AFF4: variants seen among roughly 807,000 people sequenced by gnomAD.
AFF4 encodes AF4/FMR2 family member 4.
A neutral mutation model predicts 124.8 loss-of-function variants in AFF4; 13 were observed. The observed-to-expected ratio is 0.10, with a 90% confidence interval of 0.07 to 0.17. AFF4 has a LOEUF of 0.17. Among genes scored for constraint, AFF4 ranks in the 10% least tolerant of loss-of-function variants. The pLI, the probability that AFF4 is intolerant of heterozygous loss-of-function variation, is 1.00. For synonymous variants in AFF4, 477 were observed against 496.1 expected (o/e 0.96, Z 0.51); for missense variants, 1,092 against 1,403.8 (o/e 0.78, Z 3.55).
chr5:132,926,889 T>C (rs2150093040), intron 5 of AFF4: 1 of 423,134 alleles, frequency 2.4e-6, no homozygotes, highest in South Asian at 2.5e-5. Flanking sequence ...CTCTCTCGCA[T>C]ATTGCCTTCA....
In AFF4 at chr5:132,935,901, C is replaced by T. The variant is rs187912439; in HGVS notation, c.124-960G>A. On this transcript the variant is annotated intron_variant, in intron 2 of 20. Coordinates refer to ENST00000265343, the MANE Select transcript of AFF4 (RefSeq NM_014423.4). ...TCATGACATGGCACTCCAGCCTAGACGAAAGAACAAGATTCCTTCTCATAA... is the reference window on the plus strand; with the variant it reads ...TCATGACATGGCACTCCAGCCTAGATGAAAGAACAAGATTCCTTCTCATAA... 5.4e-3 allele frequency among the ~76,000 whole-genome samples: 810 copies of T among 149,446 alleles called. 4 individuals are homozygous for T. Among genetic ancestry groups the T allele is most frequent in the Middle Eastern group, 0.028 (8 of 290 alleles).
At chr5:132,912,163 A>T (rs1174332245) in intron 5 of AFF4, among the ~76,000 whole-genome samples, 1 of 142,180 alleles carries the variant, frequency 7.0e-6, no homozygotes. Flanking sequence ...GATTGTCTCT[A>T]CTAAAAATAC....
chr5:132,876,685 T>C lies in AFF4; in HGVS notation c.*4374A>G, dbSNP rs894114208. 3.5e-5 allele frequency: 7 copies of C among 197,648 alleles called. No individual in the cohort carries two copies. The highest frequency in any genetic ancestry group is 1.9e-4 in the South Asian group (1 of 5,208). The allele number at this position is 197,648 out of a possible 1,614,324, so 12.2% of individuals were successfully genotyped here. ...CCAAATTACATGAAAAGAAGATACATAGTTATTATTTCCATTCCCTTTTCT... is the reference window on the plus strand; with the variant it reads ...CCAAATTACATGAAAAGAAGATACACAGTTATTATTTCCATTCCCTTTTCT... On this transcript the variant is annotated 3_prime_UTR_variant, in exon 21 of 21. Transcript: ENST00000265343.
At chr5:132,890,381 A>G (rs960787424) in intron 13 of AFF4, among the ~76,000 whole-genome samples, 1 of 151,930 alleles carries the variant, frequency 6.6e-6, no homozygotes, top group Non-Finnish European at 1.5e-5. Context: ...GCGATCCTCC[A>G]GCCAGCCTCC....
At chr5:132,898,952 C>T (rs556334914) in intron 9 of AFF4, 152 bp downstream of exon 9, 8 of 693,196 alleles carry the variant, frequency 1.2e-5, no homozygotes, top group Non-Finnish European at 1.9e-5. Flanking sequence ...AAAACACCCA[C>T]TTTAAGTGTA....
In AFF4 at chr5:132,963,275, G is replaced by C. The variant is rs1042173878; in HGVS notation, c.-21C>G. ...CCTTCTTACCTCCAGTCCCGGCTCC[G>C]CTAGGCCCGAACCATCTCCTGGCTG... On this transcript the variant is annotated 5_prime_UTR_variant, in exon 1 of 21. Transcript: ENST00000265343. The C allele has an allele frequency of 2.5e-6, 1 of 394,342 alleles. No individual in the cohort carries two copies. The highest frequency in any genetic ancestry group is 1.4e-4 in the South Asian group (1 of 7,196). The allele number at this position is 394,342 out of a possible 1,614,324, so 24.4% of individuals were successfully genotyped here. A position where few individuals can be genotyped will look rare whatever the true frequency, so the allele number is the denominator to read the frequency against.
chr5:132,961,158 G>C (rs559478528), intron 1 of AFF4, among the ~76,000 whole-genome samples: 20 of 152,256 alleles, frequency 1.3e-4, no homozygotes, highest in African/African-American at 4.3e-4. Flanking sequence ...CCAGGAGGCA[G>C]AGGTTGCAGT....
chr5:132,946,750 G>C (rs1761705857), intron 1 of AFF4, among the ~76,000 whole-genome samples: 1 of 152,140 alleles, frequency 6.6e-6, no homozygotes, highest in Admixed American at 6.5e-5. Flanking sequence ...TAATGCCACT[G>C]AATTGTATAT....
intron 4 of AFF4, among the ~76,000 whole-genome samples, chr5:132,929,008 G>C (rs1761242794): frequency 6.6e-6 from 1 of 152,096 alleles, no homozygotes; most frequent in South Asian, 2.1e-4. Context: ...ATTCCCAGTG[G>C]TTGACACAAA....
At chr5:132,951,545 TC>T (rs1322200594) in intron 1 of AFF4, among the ~76,000 whole-genome samples, 2 of 152,224 alleles carry the variant, frequency 1.3e-5, no homozygotes, top group Non-Finnish European at 2.9e-5. Flanking sequence ...TTCTTTTTTT[TC>T]AGACAGAGTC....
chr5:132,929,765 T>C (rs1456343199), intron 4 of AFF4, among the ~76,000 whole-genome samples: 1 of 152,128 alleles, frequency 6.6e-6, no homozygotes, highest in African/African-American at 2.4e-5. Flanking sequence ...CTTTCTATAA[T>C]CTTAGAGAGC....
At chr5:132,913,083 G>GCA (rs1760831407) in intron 5 of AFF4, among the ~76,000 whole-genome samples, 1 of 152,040 alleles carries the variant, frequency 6.6e-6, no homozygotes, top group Non-Finnish European at 1.5e-5. Context: ...CAGGTTAAAA[G>GCA]CAAAAGGTTG....
chr5:132,927,365 C>T, intron 4 of AFF4, 158 bp from the exon 5 acceptor site: 1 of 601,474 alleles, frequency 1.7e-6, no homozygotes, highest in Non-Finnish European at 2.9e-6. Context: ...GTGTGCTAGG[C>T]ACTATGGTGT....
chr5:132,911,289 C>G (rs1267019797), intron 5 of AFF4, among the ~76,000 whole-genome samples: 1 of 152,098 alleles, frequency 6.6e-6, no homozygotes, highest in East Asian at 1.9e-4. Context: ...GTCTTTTACC[C>G]TCATCTTTCT....
chr5:132,912,544 A>G (rs144202697), intron 5 of AFF4, among the ~76,000 whole-genome samples: 4 of 152,014 alleles, frequency 2.6e-5, no homozygotes, highest in African/African-American at 7.2e-5. Flanking sequence ...TATTTTTTGT[A>G]GAGACAGGGT....
intron 4 of AFF4, 55 bp from the exon 5 acceptor site, chr5:132,927,262 C>T: frequency 1.4e-6 from 2 of 1,454,838 alleles, no homozygotes; most frequent in African/African-American, 1.4e-5. Context: ...AAAAATTATA[C>T]AGCTAAAAAC....
At chr5:132,908,728 T>A (rs1760723416) in intron 5 of AFF4, among the ~76,000 whole-genome samples, 2 of 148,286 alleles carry the variant, frequency 1.3e-5, no homozygotes, top group African/African-American at 2.5e-5. Context: ...ACACACACAC[T>A]CATATATAAT....
chr5:132,958,465 C>CAAA lies in AFF4; in HGVS notation c.-5+4791_-5+4793dup, dbSNP rs34337170. On this transcript the variant is annotated intron_variant, in intron 1 of 20. Coordinates refer to ENST00000265343, the MANE Select transcript of AFF4 (RefSeq NM_014423.4). ...TGGATGACAGAGTGAGACCCTGTCT[C>CAAA]AAAAAAAAAAAAAAAAAAAAAAAAG... is the stretch of plus-strand genomic sequence containing the variant. 5.1e-3 allele frequency among the ~76,000 whole-genome samples: 281 copies of CAAA among 55,424 alleles called. 12 individuals are homozygous for CAAA. The highest frequency in any genetic ancestry group is 0.014 in the African/African-American group (161 of 11,686). The allele number at this position is 55,424 out of a possible 152,430, so 36.4% of individuals were successfully genotyped here. A position where few individuals can be genotyped will look rare whatever the true frequency, so the allele number is the denominator to read the frequency against.
intron 7 of AFF4, chr5:132,901,104 A>C (rs1760540226): frequency 1.0e-6 from 1 of 985,352 alleles, no homozygotes; most frequent in Admixed American, 6.1e-5. Flanking sequence ...ACAGGGGCTT[A>C]GTGCATCTAT....
Sources: allele counts gnomAD v4.1 joint callset (sites outside exome capture counted in the v4.1 genomes callset), GRCh38; gene constraint gnomAD v4.1.1; transcripts MANE v1.5; gene names NCBI Gene and HGNC (gene_info 2026-07-23, HGNC 2026-07-21).